Variants in NBEAL1 observed in about 807,000 individuals in gnomAD.
NBEAL1 encodes the protein neurobeachin-like protein 1.
A neutral mutation model predicts 351.3 loss-of-function variants in NBEAL1; 273 were observed. The ratio of observed to expected loss-of-function variants is 0.78; its 90% confidence interval spans 0.70 to 0.86. The LOEUF (loss-of-function observed/expected upper bound fraction) is 0.86. Among genes scored for constraint, NBEAL1 ranks in the 40% least tolerant of loss-of-function variants. NBEAL1 has a pLI of 0.00. For missense variants in NBEAL1, 2,961 were observed against 3,201.3 expected (o/e 0.92, Z 1.81); for synonymous variants, 1,050 against 1,086.4 (o/e 0.97, Z 0.66).
At chr2:203,024,231 G>A (rs1339674312) in intron 2 of NBEAL1, among the ~76,000 whole-genome samples, 1 of 151,370 alleles carries the variant, frequency 6.6e-6, no homozygotes, top group African/African-American at 2.4e-5. Flanking sequence ...GAAAAAAGTA[G>A]TCAGGGGTGT....
rs2065930450 is a variant in NBEAL1, at chr2:203,219,369, TTAGA to T, written c.*2018_*2021del. On this transcript the variant is annotated 3_prime_UTR_variant, in exon 56 of 56. Transcript: ENST00000683969. ...TGGATGCTTATAAGTTTTCTAAAAC[TTAGA>T]TAATTAGAAAAAATGCCTAAGTTTA... The T allele has an allele frequency of 6.6e-6, 1 of 152,090 alleles. No homozygotes were observed. The highest frequency in any genetic ancestry group is 6.6e-5 in the Admixed American group (1 of 15,262). 9.4% of individuals were successfully genotyped at this position (152,090 alleles called of 1,614,324 possible).
At chr2:203,126,740 C>G (rs544409250) in intron 22 of NBEAL1, 24 bp downstream of exon 22, 1 of 1,513,168 alleles carries the variant, frequency 6.6e-7, no homozygotes, top group African/African-American at 1.4e-5. Context: ...TTCAGATAAA[C>G]ATTTTATAGT....
At chr2:203,143,878 A>G (rs2063443056) in intron 31 of NBEAL1, among the ~76,000 whole-genome samples, 1 of 152,088 alleles carries the variant, frequency 6.6e-6, no homozygotes, top group African/African-American at 2.4e-5. Context: ...GTCTCCCTCC[A>G]TAGCAAAATC....
Position 203,083,300 on chromosome 2 carries a change from G to A in NBEAL1, c.766G>A (p.Gly256Arg). Residue 256 changes from glycine to arginine, a missense_variant, in exon 9 of 56, where the codon GGA becomes AGA. Gly to Arg is a moderately radical substitution (Grantham distance 125). Coordinates refer to ENST00000683969, the MANE Select transcript of NBEAL1 (RefSeq NM_001378026.1). ...VLADCDSWED[G>R]DPEEVGRKAE... ...GGCAGATTGTGATTCCTGGGAGGAT[G>A]GAGATCCTGAAGAAGTGGGTAGGAA... The A allele has an allele frequency of 6.4e-7, 1 of 1,553,138 alleles. No individual in the cohort carries two copies. Among genetic ancestry groups the A allele is most frequent in the South Asian group, 1.2e-5 (1 of 84,164 alleles).
intron 51 of NBEAL1, among the ~76,000 whole-genome samples, chr2:203,206,018 C>A (rs199977619): frequency 6.6e-6 from 1 of 152,132 alleles, no homozygotes. Flanking sequence ...AAATAACATA[C>A]AACTATGTGT....
chr2:203,040,033 C>T (rs1189649782), intron 2 of NBEAL1: 4 of 607,734 alleles, frequency 6.6e-6, no homozygotes, highest in African/African-American at 1.9e-5. Context: ...TAAAAATAGG[C>T]CTCATTGAGA....
rs1308850809 is a variant in NBEAL1, at chr2:203,036,391, A to G, written c.52-5374A>G. Reference sequence around the variant, plus strand: ...CTTTTCCTCTTTTTGCCCACTAAAGATCCATTTTATTTATGCACACAGTTA... The same window carrying G: ...CTTTTCCTCTTTTTGCCCACTAAAGGTCCATTTTATTTATGCACACAGTTA... On this transcript the variant is annotated intron_variant, in intron 2 of 55. Transcript: ENST00000683969. 4.0e-5 allele frequency among the ~76,000 whole-genome samples: 6 copies of G among 149,038 alleles called. 1 individual carries two copies. The highest frequency in any genetic ancestry group is 7.5e-5 in the Non-Finnish European group (5 of 66,482).
chr2:203,212,606 C>CAA (rs367786013), intron 54 of NBEAL1, among the ~76,000 whole-genome samples: 38 of 81,274 alleles, frequency 4.7e-4, no homozygotes, highest in South Asian at 1.9e-3. Flanking sequence ...GACTCCATCT[C>CAA]AAAAAAAAAA....
intron 2 of NBEAL1, among the ~76,000 whole-genome samples, chr2:203,017,009 G>A (rs1244640429): frequency 6.6e-6 from 1 of 152,172 alleles, no homozygotes; most frequent in East Asian, 1.9e-4. Flanking sequence ...GAGTAGCCGA[G>A]AAACACAGTA....
At position 203,138,342 on chromosome 2, in the gene NBEAL1, A is replaced by G. The variant is rs751023183; in HGVS notation, c.4719+27A>G. 7.6e-6 allele frequency: 12 copies of G among 1,586,054 alleles called. No individual in the cohort carries two copies. The South Asian group carries it at 1.3e-4, about 17-fold the overall frequency. Reference sequence around the variant, plus strand: ...TGCAGTAATATCTCTTTAAAATTATATTTTGGGTAGTTAAGAACTTTATTC... The same window carrying G: ...TGCAGTAATATCTCTTTAAAATTATGTTTTGGGTAGTTAAGAACTTTATTC... On this transcript the variant is annotated intron_variant, in intron 30 of 55. Coordinates refer to ENST00000683969, the MANE Select transcript of NBEAL1 (RefSeq NM_001378026.1).
At position 203,211,007 on chromosome 2, in the gene NBEAL1, C is replaced by T; in HGVS notation, c.7835C>T (p.Ser2612Phe). ...TCTATAAATGGCAAGTATCTAGGGT[C>T]TCAAATCCTGAAGGAACAAGTATCA... is the stretch of plus-strand genomic sequence containing the variant. ...LFSINGKYLG[S>F]QILKEQVSDI... Residue 2612 changes from serine (S) to phenylalanine (F), a missense_variant, in exon 54 of 56, where the codon TCT becomes TTT. Ser to Phe is a radical substitution (Grantham distance 155). Transcript: ENST00000683969. 1 of 1,604,150 alleles carries T rather than the reference C, an allele frequency of 6.2e-7. No homozygotes were observed. The highest frequency in any genetic ancestry group is 1.1e-5 in the South Asian group (1 of 89,378).
chr2:203,201,573 T>C lies in NBEAL1; in HGVS notation c.7269T>C (p.Ala2423=). The C allele has an allele frequency of 6.3e-7, 1 of 1,598,944 alleles. No individual in the cohort carries two copies. Among genetic ancestry groups the C allele is most frequent in the Non-Finnish European group, 8.5e-7 (1 of 1,172,724 alleles). The part of the protein sequence containing the change: ...KTQRSINGSF[A]PGLEITSKLF... Reference sequence around the variant, plus strand: ...AGCGCAGTATAAATGGTTCTTTTGCTCCCGGGCTAGAGATCACTTCTAAGC... The same window carrying C: ...AGCGCAGTATAAATGGTTCTTTTGCCCCCGGGCTAGAGATCACTTCTAAGC... The change falls in exon 50 of 56, where the codon GCT becomes GCC. Residue 2423 remains alanine (A), a synonymous_variant. Transcript: ENST00000683969.
intron 2 of NBEAL1, among the ~76,000 whole-genome samples, chr2:203,026,161 CTGTTA>C (rs1456488813): frequency 1.3e-5 from 2 of 152,084 alleles, no homozygotes; most frequent in Non-Finnish European, 2.9e-5. Context: ...TTAGGTTTTC[CTGTTA>C]TGTTAGCTTC....
At chr2:203,060,797 T>G (rs965410874) in intron 6 of NBEAL1, among the ~76,000 whole-genome samples, 2 of 152,234 alleles carry the variant, frequency 1.3e-5, no homozygotes, top group African/African-American at 4.8e-5. Context: ...TTTACCAACA[T>G]TTATAGAATT....
At chr2:203,137,608 A>G (rs1294748780) in intron 29 of NBEAL1, among the ~76,000 whole-genome samples, 1 of 152,230 alleles carries the variant, frequency 6.6e-6, no homozygotes, top group Non-Finnish European at 1.5e-5. Context: ...AGTCAAGTAA[A>G]ACAGGAAACT....
intron 26 of NBEAL1, among the ~76,000 whole-genome samples, chr2:203,132,809 T>C (rs2063103681): frequency 6.6e-6 from 1 of 152,176 alleles, no homozygotes; most frequent in African/African-American, 2.4e-5. Flanking sequence ...TATAAAAAGA[T>C]AAATAATAAT....
chr2:203,182,578 G>T (rs542888561), intron 43 of NBEAL1: 1 of 152,278 alleles, frequency 6.6e-6, no homozygotes, highest in Non-Finnish European at 1.5e-5. Flanking sequence ...CTGCTACACT[G>T]TGATGGGTTT....
At position 203,126,594 on chromosome 2, in the gene NBEAL1, C is replaced by A. The variant is rs1016999270; in HGVS notation, c.3023C>A (p.Ala1008Glu). ...TTGATGGATGTTAATGTGTTGATGGCAGTTCAGTTACTAATTGAACAAGTA... is the reference window on the plus strand; with the variant it reads ...TTGATGGATGTTAATGTGTTGATGGAAGTTCAGTTACTAATTGAACAAGTA... ...STLMDVNVLM[A>E]VQLLIEQVSL... Residue 1008 changes from alanine (A) to glutamate (E), a missense_variant, in exon 22 of 56, where the codon GCA (alanine) becomes GAA (glutamate). Ala to Glu is a moderately radical substitution (Grantham distance 107). Coordinates refer to ENST00000683969, the MANE Select transcript of NBEAL1 (RefSeq NM_001378026.1). 5.3e-6 allele frequency: 8 copies of A among 1,510,164 alleles called. No homozygotes were observed. Among genetic ancestry groups the A allele is most frequent in the Non-Finnish European group, 7.1e-6 (8 of 1,129,848 alleles). The allele number at this position is 1,510,164 out of a possible 1,614,324, so 93.5% of individuals were successfully genotyped here.
At chr2:203,078,257 C>T (rs919600422) in intron 8 of NBEAL1, among the ~76,000 whole-genome samples, 3 of 151,712 alleles carry the variant, frequency 2.0e-5, no homozygotes, top group African/African-American at 7.3e-5. Flanking sequence ...TTTTTTTCAA[C>T]AAATCCAACT....
Sources: gnomAD v4.1 joint callset for allele counts (sites outside exome capture counted in the v4.1 genomes callset) on GRCh38, gnomAD v4.1.1 for gene constraint, MANE v1.5 for transcripts, NCBI Gene and HGNC (gene_info 2026-07-23, HGNC 2026-07-21) for gene names.